Variants in VPS54 observed in about 807,000 individuals in gnomAD.
The protein encoded by VPS54 is VPS54 subunit of GARP complex.
A neutral mutation model predicts 121.5 loss-of-function variants in VPS54; 45 were observed. The ratio of observed to expected loss-of-function variants is 0.37; its 90% CI spans 0.29 to 0.47. The LOEUF (loss-of-function observed/expected upper bound fraction) is 0.47. VPS54 is among the 20% of genes least tolerant of loss of function. VPS54 has a pLI of 0.99. For missense variants in VPS54, 1,090 were observed against 1,131.4 expected (o/e 0.96, Z 0.52); for synonymous variants, 371 against 385.8 (o/e 0.96, Z 0.45).
chr2:63,966,335 A>G (rs1004828831), intron 5 of VPS54, among the ~76,000 whole-genome samples: 2 of 152,174 alleles, frequency 1.3e-5, no homozygotes, highest in South Asian at 2.1e-4. Context: ...CCAAATATCA[A>G]TTTCTCTAAC....
rs764515091 is a variant in VPS54, at chr2:64,005,089, CTTTTTTTTTTTTTTTTTTT to C, written c.-21+13830_-21+13848del. ...TACCATGCCCAGTCTACTATTGCTTCTTTTTTTTTTTTTTTTTTTTTTTTTTTTTTTTGAGACGGAGTCC... is the reference window on the plus strand; with the variant it reads ...TACCATGCCCAGTCTACTATTGCTTCTTTTTTTTTTTTTGAGACGGAGTCC... On this transcript the variant is annotated intron_variant, in intron 1 of 22. Coordinates refer to ENST00000272322, the MANE Select transcript of VPS54 (RefSeq NM_016516.3). 9.1e-5 allele frequency among the ~76,000 whole-genome samples: 4 copies of C among 44,130 alleles called. No individual in the cohort carries two copies. The East Asian group carries it at 3.1e-3, about 34-fold the overall frequency. The allele number at this position is 44,130 out of a possible 152,430, so 29.0% of individuals were successfully genotyped here. A position where few individuals can be genotyped will look rare whatever the true frequency, so the allele number is the denominator to read the frequency against.
intron 8 of VPS54, 142 bp from the exon 9 acceptor site, chr2:63,947,632 C>T: frequency 1.4e-6 from 1 of 691,790 alleles, no homozygotes; most frequent in Non-Finnish European, 2.1e-6. Context: ...CTGAAAACCC[C>T]TCCCACAGCA....
intron 10 of VPS54, among the ~76,000 whole-genome samples, chr2:63,943,732 T>TC (rs1674847219): frequency 6.7e-6 from 1 of 149,988 alleles, no homozygotes; most frequent in Admixed American, 6.6e-5. Context: ...TCTTTCTTTT[T>TC]TTTTTTTTTT....
rs558257601 is a variant in VPS54 at position 63,930,642 on chromosome 2, T to C, written c.1739+3031A>G. On this transcript the variant is annotated intron_variant, in intron 12 of 22. Coordinates refer to ENST00000272322, the MANE Select transcript of VPS54 (RefSeq NM_016516.3). ...CCTTTCTCACCACTCCTATTCAATA[T>C]AGTATTGGAAGTTCTGGCCAGGGCA... Among the ~76,000 whole-genome samples the C allele has an allele frequency of 2.3e-4, 35 of 152,198 alleles. No homozygotes were observed. In the South Asian group the frequency reaches 4.6e-3, roughly 20 times the overall value.
Position 63,984,001 on chromosome 2 carries a change from G to T in VPS54, c.-2C>A. The T allele has an allele frequency of 6.2e-7, 1 of 1,600,584 alleles. No individual in the cohort carries two copies. Among genetic ancestry groups the T allele is most frequent in the Non-Finnish European group, 8.5e-7 (1 of 1,172,608 alleles). ...TGAAGAACTGTGGCTTGAAGCCATT[G>T]CATAAAATCACCACTCAACTGAAAA... On this transcript the variant is annotated 5_prime_UTR_variant, in exon 2 of 23. Coordinates refer to ENST00000272322, the MANE Select transcript of VPS54 (RefSeq NM_016516.3).
At chr2:63,894,607 G>GT (rs2104389515) in intron 22 of VPS54, among the ~76,000 whole-genome samples, 1 of 152,098 alleles carries the variant, frequency 6.6e-6, no homozygotes, top group African/African-American at 2.4e-5. Flanking sequence ...GGAGTCTGCA[G>GT]TGGGAGGATT....
intron 3 of VPS54, among the ~76,000 whole-genome samples, chr2:63,980,650 G>C (rs1400433613): frequency 6.6e-6 from 1 of 152,060 alleles, no homozygotes; most frequent in Non-Finnish European, 1.5e-5. Context: ...GCTTTGTAAG[G>C]GAAGGAATGG....
intron 20 of VPS54, among the ~76,000 whole-genome samples, chr2:63,903,112 G>C (rs1406761019): frequency 6.6e-6 from 1 of 152,042 alleles, no homozygotes. Flanking sequence ...ACACACAACA[G>C]GTCCAAGAAG....
chr2:64,001,468 T>C (rs1406664436), intron 1 of VPS54, among the ~76,000 whole-genome samples: 3 of 152,174 alleles, frequency 2.0e-5, no homozygotes, highest in Non-Finnish European at 2.9e-5. Context: ...CAGCTGGGAA[T>C]GTGCTGGGTC....
intron 15 of VPS54, among the ~76,000 whole-genome samples, chr2:63,918,092 T>C (rs1012232133): frequency 6.6e-6 from 1 of 151,928 alleles, no homozygotes; most frequent in Non-Finnish European, 1.5e-5. Flanking sequence ...TAATCCAGGA[T>C]CCTTAACTTG....
intron 20 of VPS54, among the ~76,000 whole-genome samples, chr2:63,910,066 G>A (rs1255807947): frequency 6.6e-6 from 1 of 152,050 alleles, no homozygotes; most frequent in Non-Finnish European, 1.5e-5. Flanking sequence ...ATGTTATTGT[G>A]TCATCCTTTC....
At chr2:63,942,610 C>A in intron 10 of VPS54, 49 bp from the exon 11 acceptor site, 1 of 1,427,970 alleles carries the variant, frequency 7.0e-7, no homozygotes, top group Non-Finnish European at 9.5e-7. Flanking sequence ...CTGGGCCAAT[C>A]AATATAACAT....
chr2:63,969,061 GAC>G lies in VPS54; in HGVS notation c.458-72_458-71del, dbSNP rs1575970597. 4.6e-6 allele frequency: 6 copies of G among 1,303,086 alleles called. No homozygotes were observed. In the East Asian group the frequency reaches 1.4e-4, roughly 31 times the overall value. 80.7% of individuals were successfully genotyped at this position (1,303,086 alleles called of 1,614,324 possible). A position where few individuals can be genotyped will look rare whatever the true frequency, so the allele number is the denominator to read the frequency against. ...ATTTTAACTCCGTAAAATACATTTT[GAC>G]AGATTCAGTATTGTACTGGGTCACA... On this transcript the variant is annotated intron_variant, in intron 4 of 22. Coordinates refer to ENST00000272322, the MANE Select transcript of VPS54 (RefSeq NM_016516.3).
chr2:63,911,138 GAC>G (rs1673131465), intron 20 of VPS54, among the ~76,000 whole-genome samples: 1 of 152,122 alleles, frequency 6.6e-6, no homozygotes, highest in Non-Finnish European at 1.5e-5. Context: ...ATATGTTACC[GAC>G]TTTTGGTACA....
intron 16 of VPS54, among the ~76,000 whole-genome samples, chr2:63,916,014 A>G (rs887335998): frequency 6.6e-6 from 1 of 152,206 alleles, no homozygotes; most frequent in African/African-American, 2.4e-5. Flanking sequence ...GGTCATTTCA[A>G]AAAACACTTG....
intron 12 of VPS54, among the ~76,000 whole-genome samples, chr2:63,926,778 T>G (rs950097014): frequency 6.6e-6 from 1 of 152,162 alleles, no homozygotes; most frequent in Non-Finnish European, 1.5e-5. Context: ...GGTACACTCC[T>G]GCCCAAATAC....
intron 20 of VPS54, among the ~76,000 whole-genome samples, chr2:63,900,694 G>A (rs1408972304): frequency 6.6e-6 from 1 of 152,054 alleles, no homozygotes; most frequent in African/African-American, 2.4e-5. Flanking sequence ...TCTTCAAAGG[G>A]AAAATAAACA....
intron 1 of VPS54, among the ~76,000 whole-genome samples, chr2:64,013,911 A>G (rs950682942): frequency 2.6e-5 from 4 of 151,752 alleles, no homozygotes; most frequent in African/African-American, 7.3e-5. Context: ...TTAAGAAACC[A>G]GCCAGGCGCG....
chr2:63,969,034 T>C (rs1228738450), intron 4 of VPS54, 43 bp from the exon 5 acceptor site: 6 of 1,474,762 alleles, frequency 4.1e-6, no homozygotes, highest in Non-Finnish European at 5.6e-6. Flanking sequence ...AAACTTGTTT[T>C]CATTTTAACT....
Sources: allele counts gnomAD v4.1 joint callset (sites outside exome capture counted in the v4.1 genomes callset), GRCh38; gene constraint gnomAD v4.1.1; transcripts MANE v1.5; gene names NCBI Gene and HGNC (gene_info 2026-07-23, HGNC 2026-07-21).